MALRD1: variants seen among roughly 807,000 people sequenced by gnomAD.
MALRD1 encodes the protein MAM and LDL receptor class A domain containing 1, also known as MAM and LDL-receptor class A domain-containing protein 1.
MALRD1 carries 247 observed loss-of-function variants against 242.1 expected under a neutral mutation model. That is an observed-to-expected ratio of 1.02 (90% CI 0.92 to 1.13). The LOEUF is 1.13. Ranked by LOEUF, MALRD1 falls within the 50% of genes most tolerant of loss-of-function variation. MALRD1 has a pLI of 0.00. For synonymous variants in MALRD1, 995 were observed against 866.6 expected, an observed-to-expected ratio of 1.15 and a Z score of -2.60; for missense variants, 2,989 against 2,533.1, an observed-to-expected ratio of 1.18 and a Z score of -3.86.
chr10:19,435,068 T>A (rs1445056283), intron 28 of MALRD1, among the ~76,000 whole-genome samples: 1 of 150,838 alleles, frequency 6.6e-6, no homozygotes, highest in Non-Finnish European at 1.5e-5. Context: ...CTTTGTCAGA[T>A]GCAATTTGAT....
At position 19,718,785 on chromosome 10, in the gene MALRD1, C is replaced by G. The variant is rs143931977; in HGVS notation, c.6315-11921C>G. Among the ~76,000 whole-genome samples, 30 of 152,018 alleles carry G rather than the reference C, an allele frequency of 2.0e-4. No individual in the cohort carries two copies. The East Asian group carries it at 5.4e-3, about 28-fold the overall frequency. On this transcript the variant is annotated intron_variant, in intron 38 of 39. Transcript: ENST00000454679. ...CTAATTTTTCTAATTTGTGATGAAC[C>G]TTTTTCTATATATATTTTTGTCTTT...
At chr10:19,396,235 C>T (rs910696139) in intron 28 of MALRD1, among the ~76,000 whole-genome samples, 1 of 149,512 alleles carries the variant, frequency 6.7e-6, no homozygotes, top group Non-Finnish European at 1.5e-5. Context: ...CCTCCTGGTT[C>T]AAGCGATTCT....
At chr10:19,515,490 T>C (rs956177924) in intron 31 of MALRD1, among the ~76,000 whole-genome samples, 4 of 152,142 alleles carry the variant, frequency 2.6e-5, no homozygotes, top group East Asian at 1.9e-4. Flanking sequence ...GGTTTTCTTT[T>C]AGTAGGTCAC....
intron 32 of MALRD1, among the ~76,000 whole-genome samples, chr10:19,541,531 TA>T (rs1834970394): frequency 6.6e-6 from 1 of 152,214 alleles, no homozygotes; most frequent in African/African-American, 2.4e-5. Flanking sequence ...TAGCAGTAGT[TA>T]AAATGAAGCA....
At chr10:19,159,705 C>G (rs1470429447) in intron 12 of MALRD1, among the ~76,000 whole-genome samples, 1 of 151,884 alleles carries the variant, frequency 6.6e-6, no homozygotes, top group East Asian at 1.9e-4. Flanking sequence ...GAATCATGAC[C>G]TTGGGTGTCC....
intron 7 of MALRD1, 42 bp from the exon 8 acceptor site, chr10:19,128,178 CT>C: frequency 8.3e-7 from 1 of 1,204,460 alleles, no homozygotes; most frequent in Non-Finnish European, 1.0e-6. Flanking sequence ...CAGAAAGAAG[CT>C]AATGTTTTCC....
chr10:19,401,285 T>G (rs1846830635), intron 28 of MALRD1, among the ~76,000 whole-genome samples: 3 of 152,222 alleles, frequency 2.0e-5, no homozygotes, highest in Admixed American at 2.0e-4. Context: ...TTTCTATAAT[T>G]TTCAATTATT....
chr10:19,146,449 A>C, intron 11 of MALRD1, 105 bp downstream of exon 11: 1 of 1,030,092 alleles, frequency 9.7e-7, no homozygotes, highest in Non-Finnish European at 1.2e-6. Context: ...TATACATGGA[A>C]CTCTGGTTTG....
intron 5 of MALRD1, among the ~76,000 whole-genome samples, chr10:19,106,012 G>A (rs913831047): frequency 4.0e-5 from 6 of 151,752 alleles, no homozygotes; most frequent in Non-Finnish European, 8.9e-5. Flanking sequence ...AAGATTTTTA[G>A]TTTGATGTAA....
intron 4 of MALRD1, among the ~76,000 whole-genome samples, chr10:19,095,627 G>A (rs1835999153): frequency 6.6e-6 from 1 of 152,132 alleles, no homozygotes; most frequent in Non-Finnish European, 1.5e-5. Context: ...TGATTGATAG[G>A]TATGGGGAGG....
intron 18 of MALRD1, among the ~76,000 whole-genome samples, chr10:19,238,414 TATAATATAC>T (rs1838532014): frequency 1.4e-5 from 1 of 72,224 alleles, no homozygotes; most frequent in African/African-American, 5.8e-5. Flanking sequence ...ATGTATAATA[TATAATATAC>T]ATTATATATA....
chr10:19,295,047 A>T (rs1841629418), intron 21 of MALRD1, among the ~76,000 whole-genome samples: 1 of 152,058 alleles, frequency 6.6e-6, no homozygotes, highest in Non-Finnish European at 1.5e-5. Context: ...GAATGTACCA[A>T]AATTTACTAA....
intron 31 of MALRD1, among the ~76,000 whole-genome samples, chr10:19,508,643 A>C (rs1013613691): frequency 1.3e-5 from 2 of 152,212 alleles, no homozygotes; most frequent in Non-Finnish European, 2.9e-5. Flanking sequence ...CAAAGAATAT[A>C]AAATATTATA....
chr10:19,546,301 G>A (rs1045754972), intron 32 of MALRD1, among the ~76,000 whole-genome samples: 22 of 152,156 alleles, frequency 1.4e-4, no homozygotes, highest in Non-Finnish European at 1.0e-4. Context: ...AGCACTAGCT[G>A]TTTTCTAGTG....
chr10:19,693,010 G>A (rs188535209), intron 38 of MALRD1, among the ~76,000 whole-genome samples: 46 of 151,706 alleles, frequency 3.0e-4, no homozygotes, highest in Middle Eastern at 6.9e-3. Flanking sequence ...AAAGGCCTTC[G>A]ACAAAATTCA....
chr10:19,201,535 C>T (rs550519368), intron 14 of MALRD1, among the ~76,000 whole-genome samples: 7 of 152,238 alleles, frequency 4.6e-5, no homozygotes, highest in African/African-American at 1.4e-4. Flanking sequence ...CCCGTATTTA[C>T]ATAACAATAA....
chr10:19,236,134 G>A (rs143028717), intron 18 of MALRD1, among the ~76,000 whole-genome samples: 12 of 152,264 alleles, frequency 7.9e-5, no homozygotes, highest in Admixed American at 5.9e-4. Context: ...AAAATTATCT[G>A]TTCCTTCCTA....
At position 19,091,796 on chromosome 10, in the gene MALRD1, T is replaced by A. The variant is rs1835872821; in HGVS notation, c.597+3611T>A. Among the ~76,000 whole-genome samples the A allele has an allele frequency of 6.6e-5, 6 of 90,846 alleles. 2 individuals carry two copies. In the South Asian group the frequency reaches 2.2e-3, roughly 33 times the overall value. The allele number at this position is 90,846 out of a possible 152,430, so 59.6% of individuals were successfully genotyped here. A position where few individuals can be genotyped will look rare whatever the true frequency, so the allele number is the denominator to read the frequency against. On this transcript the variant is annotated intron_variant, in intron 4 of 39. Transcript: ENST00000454679. The stretch of plus-strand genomic sequence containing the variant: ...GAGATTCTGGTATGTGGTGTCTTTG[T>A]TCTCGTTGGTTTCAAAGAACATCTT...
chr10:19,553,166 T>A lies in MALRD1; in HGVS notation c.5479-14336T>A, dbSNP rs1589232319. 2.6e-5 allele frequency among the ~76,000 whole-genome samples: 4 copies of A among 152,184 alleles called. No individual in the cohort carries two copies. In the South Asian group the frequency reaches 8.3e-4, roughly 32 times the overall value. ...TGTGGTTATTGACAATCTGGGAATT[T>A]AAAGGTGCAGCCCTCAAGAAACTGT... On this transcript the variant is annotated intron_variant, in intron 32 of 39. Transcript: ENST00000454679.
Sources: gnomAD v4.1 joint callset for allele counts (sites outside exome capture counted in the v4.1 genomes callset) on GRCh38, gnomAD v4.1.1 for gene constraint, MANE v1.5 for transcripts, NCBI Gene and HGNC (gene_info 2026-07-23, HGNC 2026-07-21) for gene names.